Variants in IGLL1 observed in about 807,000 individuals in gnomAD.
IGLL1 encodes immunoglobulin lambda-like polypeptide 1.
IGLL1 carries 10 observed loss-of-function variants against 10.5 expected under a neutral mutation model. The ratio of observed to expected loss-of-function variants is 0.95; its 90% CI spans 0.59 to 1.62. The LOEUF is 1.62. Ranked by LOEUF, IGLL1 falls within the 40% of genes most tolerant of loss-of-function variation. The pLI is 0.00. For synonymous variants in IGLL1, 141 were observed against 122.7 expected, an observed-to-expected ratio of 1.15 and a Z score of -0.99; for missense variants, 284 against 278.7, an observed-to-expected ratio of 1.02 and a Z score of -0.14.
chr22:23,577,525 T>A (rs1925119187), intron 1 of IGLL1, among the ~76,000 whole-genome samples: 1 of 149,580 alleles, frequency 6.7e-6, no homozygotes, highest in Non-Finnish European at 1.5e-5. Flanking sequence ...TCTACAGGAA[T>A]AATCAGTCTT....
In IGLL1 at chr22:23,574,163, C is replaced by T. The variant is rs2003753; in HGVS notation, c.323-578G>A. ...GGGGCTGCTCCCCCAGACTTTGGGG[C>T]ACCGCAGCCCCCATGCCCACCCCAG... On this transcript the variant is annotated intron_variant, in intron 2 of 2. Coordinates refer to ENST00000330377, the MANE Select transcript of IGLL1 (RefSeq NM_020070.4). Among the ~76,000 whole-genome samples, 743 of 134,190 alleles carry T rather than the reference C, an allele frequency of 5.5e-3. 25 individuals carry two copies. The highest frequency in any genetic ancestry group is 0.01 in the African/African-American group (276 of 27,438). 88.0% of individuals were successfully genotyped at this position (134,190 alleles called of 152,430 possible).
chr22:23,575,824 G>A (rs8138948), intron 1 of IGLL1, among the ~76,000 whole-genome samples: 1,683 of 152,290 alleles, frequency 0.011, 31 homozygotes, highest in African/African-American at 0.037. Flanking sequence ...GTCTCCGCTG[G>A]ATGCGACACA....
chr22:23,579,951 AC>A, intron 1 of IGLL1, 33 bp downstream of exon 1: 1 of 1,530,146 alleles, frequency 6.5e-7, no homozygotes, highest in African/African-American at 1.4e-5. Context: ...TGCCACCCAG[AC>A]CCCCACATCC....
rs1361754771 is a variant in IGLL1, at chr22:23,580,242, TAG to T, written c.-54_-53del. ...GGCCTGACTTGCAGTGTGGGCTCCCTAGAGAGTGGTGCCCTGGTCCCTCTCGC... is the reference window on the plus strand; with the variant it reads ...GGCCTGACTTGCAGTGTGGGCTCCCTAGAGTGGTGCCCTGGTCCCTCTCGC... On this transcript the variant is annotated 5_prime_UTR_variant, in exon 1 of 3. The change creates a premature stop within an existing upstream ORF in the 5' untranslated region. Transcript: ENST00000330377. The T allele has an allele frequency of 2.0e-5, 31 of 1,533,824 alleles. No individual in the cohort carries two copies. The highest frequency in any genetic ancestry group is 2.4e-5 in the Non-Finnish European group (28 of 1,146,134).
chr22:23,575,947 A>AT (rs1925038105), intron 1 of IGLL1, among the ~76,000 whole-genome samples: 1 of 151,464 alleles, frequency 6.6e-6, no homozygotes, highest in Admixed American at 6.6e-5. Context: ...GACTCCCCAG[A>AT]CCCCACCCAG....
Position 23,573,548 on chromosome 22 carries a change from C to A in IGLL1, c.360G>T (p.Pro120=). ...PKATPSVTLF[P]PSSEELQANK... The stretch of plus-strand genomic sequence containing the variant: ...TGGCTTGGAGCTCCTCAGAGGACGG[C>A]GGGAACAGAGTGACCGAGGGGGTGG... The change falls in exon 3 of 3, where the codon CCG becomes CCT. Residue 120 remains proline (P), a synonymous_variant. Coordinates refer to ENST00000330377, the MANE Select transcript of IGLL1 (RefSeq NM_020070.4). 1 of 1,613,810 alleles carries A rather than the reference C, an allele frequency of 6.2e-7. No homozygotes were observed. Among genetic ancestry groups the A allele is most frequent in the Non-Finnish European group, 8.5e-7 (1 of 1,179,828 alleles).
chr22:23,579,093 G>A (rs1184167008), intron 1 of IGLL1, among the ~76,000 whole-genome samples: 1 of 152,082 alleles, frequency 6.6e-6, no homozygotes, highest in Non-Finnish European at 1.5e-5. Context: ...TAGAATCTGT[G>A]CCCATGAGCT....
intron 1 of IGLL1, among the ~76,000 whole-genome samples, chr22:23,578,422 G>A (rs963122279): frequency 6.6e-6 from 1 of 152,074 alleles, no homozygotes; most frequent in African/African-American, 2.4e-5. Context: ...TAGATCCTCT[G>A]GGACCTCAGC....
At chr22:23,576,823 C>T (rs1263547223) in intron 1 of IGLL1, among the ~76,000 whole-genome samples, 1 of 152,140 alleles carries the variant, frequency 6.6e-6, no homozygotes. Context: ...GTTGGGCAAC[C>T]TTCACCACCA....
chr22:23,573,462 C>G lies in IGLL1; in HGVS notation c.446G>C (p.Trp149Ser). 1.2e-6 allele frequency: 2 copies of G among 1,613,962 alleles called. No homozygotes were observed. Among genetic ancestry groups the G allele is most frequent in the Non-Finnish European group, 1.7e-6 (2 of 1,179,872 alleles). Residue 149 changes from tryptophan to serine, a missense_variant, in exon 3 of 3, where the codon TGG becomes TCG. Physicochemically the swap from Trp to Ser is radical, Grantham distance 177. Transcript: ENST00000330377. ...DFYPGILTVT[W>S]KADGTPITQG... is the part of the protein sequence containing the mutation. ...GGTGATGGGGGTACCATCTGCCTTCCAGGTCACCGTCAAGATTCCCGGATA... is the reference window on the plus strand; with the variant it reads ...GGTGATGGGGGTACCATCTGCCTTCGAGGTCACCGTCAAGATTCCCGGATA...
chr22:23,574,651 C>T (rs1221737437), intron 2 of IGLL1, among the ~76,000 whole-genome samples: 4 of 152,152 alleles, frequency 2.6e-5, no homozygotes, highest in East Asian at 1.9e-4. Context: ...CAGGGCCCCT[C>T]ATCAGAACCA....
intron 1 of IGLL1, 127 bp from the exon 2 acceptor site, chr22:23,575,209 G>A: frequency 1.3e-6 from 1 of 777,098 alleles, no homozygotes; most frequent in Non-Finnish European, 2.4e-6. Context: ...CTCTGAGGCA[G>A]GTGCTGCCCC....
Position 23,573,556 on chromosome 22 carries a change from G to C in IGLL1, c.352C>G (p.Leu118Val). ...SQPKATPSVT[L>V]FPPSSEELQA... ...AGCTCCTCAGAGGACGGCGGGAACAGAGTGACCGAGGGGGTGGCCTTGGGC... is the reference window on the plus strand; with the variant it reads ...AGCTCCTCAGAGGACGGCGGGAACACAGTGACCGAGGGGGTGGCCTTGGGC... The change falls in exon 3 of 3, where the codon CTG becomes GTG. Residue 118 changes from leucine to valine, a missense_variant. Coordinates refer to ENST00000330377, the MANE Select transcript of IGLL1 (RefSeq NM_020070.4). The C allele has an allele frequency of 1.2e-6, 2 of 1,613,934 alleles. No individual in the cohort carries two copies. The highest frequency in any genetic ancestry group is 1.7e-6 in the Non-Finnish European group (2 of 1,179,832).
chr22:23,574,995 A>G lies in IGLL1; in HGVS notation c.294T>C (p.Phe98=), dbSNP rs1924985949. Residue 98 remains phenylalanine, a synonymous_variant, in exon 2 of 3, where the codon TTT becomes TTC. Transcript: ENST00000330377. The stretch of plus-strand genomic sequence containing the variant: ...AAACGGTGAGCTGGGTCCCGCTGCC[A>G]AACACATGCGTCACTGAGTTATGCT... ...QSKHNSVTHV[F]GSGTQLTVLS... 1 of 1,613,974 alleles carries G rather than the reference A, an allele frequency of 6.2e-7. No homozygotes were observed. Among genetic ancestry groups the G allele is most frequent in the Non-Finnish European group, 8.5e-7 (1 of 1,179,854 alleles).
At chr22:23,574,929 G>A (rs1924980097) in intron 2 of IGLL1, 38 bp downstream of exon 2, 3 of 1,359,902 alleles carry the variant, frequency 2.2e-6, no homozygotes, top group Non-Finnish European at 3.2e-6. Flanking sequence ...CCAGAGACAG[G>A]AGAGGGTGGG....
intron 1 of IGLL1, among the ~76,000 whole-genome samples, chr22:23,579,445 G>C (rs759188775): frequency 6.6e-6 from 1 of 152,150 alleles, no homozygotes; most frequent in Non-Finnish European, 1.5e-5. Flanking sequence ...CTAGGGGCTG[G>C]TTTCAGGAGG....
intron 1 of IGLL1, 47 bp from the exon 2 acceptor site, chr22:23,575,129 C>G (rs4292172): frequency 7.3e-7 from 1 of 1,361,558 alleles, no homozygotes; most frequent in Non-Finnish European, 1.1e-6. Flanking sequence ...GGCTGTGACC[C>G]AGGCACAGGG....
intron 2 of IGLL1, 51 bp downstream of exon 2, chr22:23,574,916 T>C (rs767235428): frequency 7.7e-7 from 1 of 1,290,456 alleles, no homozygotes; most frequent in Non-Finnish European, 1.1e-6. Flanking sequence ...GAAAACACAT[T>C]TTCCAGAGAC....
chr22:23,573,466 T>C lies in IGLL1; in HGVS notation c.442A>G (p.Thr148Ala), dbSNP rs1278434268. Reference protein sequence around the residue: ...NDFYPGILTVTWKADGTPITQ... With the variant: ...NDFYPGILTVAWKADGTPITQ... The stretch of plus-strand genomic sequence containing the variant: ...ATGGGGGTACCATCTGCCTTCCAGG[T>C]CACCGTCAAGATTCCCGGATAAAAG... Residue 148 changes from threonine (T) to alanine (A), a missense_variant, in exon 3 of 3, where the codon ACC becomes GCC. By Grantham distance (58) the Thr-to-Ala change is moderately conservative (BLOSUM62 0). Transcript: ENST00000330377. The C allele has an allele frequency of 1.9e-6, 3 of 1,613,880 alleles. No individual in the cohort carries two copies. Among genetic ancestry groups the C allele is most frequent in the East Asian group, 2.2e-5 (1 of 44,860 alleles).
Sources: gnomAD v4.1 joint callset for allele counts (sites outside exome capture counted in the v4.1 genomes callset) on GRCh38, gnomAD v4.1.1 for gene constraint, MANE v1.5 for transcripts, NCBI Gene and HGNC (gene_info 2026-07-23, HGNC 2026-07-21) for gene names.